The following RAB38 variants were observed in gnomAD, a reference collection of about 807,000 sequenced individuals.
The protein encoded by RAB38 is ras-related protein Rab-38.
Under a neutral mutation model 18.4 loss-of-function variants are expected in RAB38, and 15 were observed. That is an observed-to-expected ratio of 0.82 (90% CI 0.55 to 1.26). The LOEUF (loss-of-function observed/expected upper bound fraction) is 1.26, where lower values mean the gene tolerates loss of function less well. RAB38 is among the 50% of genes most tolerant of loss of function. RAB38 has a pLI of 0.00. For missense variants in RAB38, 294 were observed against 267.4 expected, an observed-to-expected ratio of 1.10 and a Z score of -0.69; for synonymous variants, 101 against 104.4, an observed-to-expected ratio of 0.97 and a Z score of 0.20.
chr11:87,881,007 T>A, the RAB38 span, among the ~76,000 whole-genome samples: 2 of 151,872 alleles, frequency 1.3e-5, no homozygotes, highest in African/African-American at 4.8e-5. Context: ...AGCAACAGGA[T>A]CTTGCTCTGT....
chr11:88,017,707 T>C, the RAB38 span, among the ~76,000 whole-genome samples: 4 of 145,882 alleles, frequency 2.7e-5, no homozygotes, highest in Non-Finnish European at 6.0e-5. Context: ...GTATTTTATA[T>C]ATATATATAA....
At chr11:87,871,681 G>T in the RAB38 span, among the ~76,000 whole-genome samples, 2 of 151,540 alleles carry the variant, frequency 1.3e-5, no homozygotes, top group East Asian at 3.9e-4. Flanking sequence ...CTCTCTCCTA[G>T]CTACTACATT....
the RAB38 span, among the ~76,000 whole-genome samples, chr11:87,906,946 CAT>C: frequency 2.0e-5 from 3 of 151,926 alleles, no homozygotes; most frequent in East Asian, 1.9e-4. Flanking sequence ...TGTTTATTGA[CAT>C]ATTATAATAA....
At chr11:87,885,993 A>AGC in the RAB38 span, among the ~76,000 whole-genome samples, 1 of 151,960 alleles carries the variant, frequency 6.6e-6, no homozygotes, top group Non-Finnish European at 1.5e-5. Context: ...CAGGGCTTGC[A>AGC]TGTCTGCTAG....
At chr11:88,027,611 C>T in the RAB38 span, among the ~76,000 whole-genome samples, 29 of 152,346 alleles carry the variant, frequency 1.9e-4, no homozygotes, top group African/African-American at 5.5e-4. Flanking sequence ...CATGGAGTCT[C>T]GCTGATTGCT....
the RAB38 span, among the ~76,000 whole-genome samples, chr11:88,005,144 A>G: frequency 5.9e-5 from 9 of 151,448 alleles, no homozygotes; most frequent in Non-Finnish European, 1.2e-4. Flanking sequence ...TAACACTTCT[A>G]TGGAAAATCA....
At chr11:87,921,228 A>G in the RAB38 span, among the ~76,000 whole-genome samples, 3 of 152,062 alleles carry the variant, frequency 2.0e-5, no homozygotes, top group African/African-American at 7.2e-5. Flanking sequence ...AGCAATCCAT[A>G]TTAAGTAGAA....
At chr11:88,039,424 C>T in the RAB38 span, among the ~76,000 whole-genome samples, 1 of 152,008 alleles carries the variant, frequency 6.6e-6, no homozygotes, top group Admixed American at 6.6e-5. Context: ...ATTTGCTTAA[C>T]AGGTTCCTTA....
chr11:87,940,118 GA>G, the RAB38 span, among the ~76,000 whole-genome samples: 396 of 119,074 alleles, frequency 3.3e-3, no homozygotes, highest in African/African-American at 0.012. Context: ...ATACTAATAA[GA>G]AAAAAATGTA....
At chr11:88,132,586 T>C (rs1034994295) in intron 2 of RAB38, among the ~76,000 whole-genome samples, 4 of 152,094 alleles carry the variant, frequency 2.6e-5, no homozygotes, top group African/African-American at 7.2e-5. Context: ...GCCTCACGAG[T>C]AGCTGGGATT....
the RAB38 span, among the ~76,000 whole-genome samples, chr11:87,812,640 A>T: frequency 6.6e-6 from 1 of 152,332 alleles, no homozygotes; most frequent in Admixed American, 6.5e-5. Context: ...ACTCTTAAGC[A>T]GATTTACTGG....
the RAB38 span, among the ~76,000 whole-genome samples, chr11:87,861,231 A>G: frequency 6.6e-6 from 1 of 151,934 alleles, no homozygotes; most frequent in Non-Finnish European, 1.5e-5. Context: ...CACAAACAAT[A>G]GCCAACACCA....
chr11:87,928,872 T>C, the RAB38 span, among the ~76,000 whole-genome samples: 2 of 152,114 alleles, frequency 1.3e-5, no homozygotes, highest in Admixed American at 1.3e-4. Context: ...CCCAACACTT[T>C]GGGAGGCCAA....
chr11:88,061,059 T>C, the RAB38 span, among the ~76,000 whole-genome samples: 2 of 152,244 alleles, frequency 1.3e-5, no homozygotes, highest in Non-Finnish European at 2.9e-5. Flanking sequence ...CCTTTGCTAA[T>C]CTGAACAACA....
the RAB38 span, among the ~76,000 whole-genome samples, chr11:88,067,722 A>G: frequency 6.6e-6 from 1 of 152,078 alleles, no homozygotes; most frequent in African/African-American, 2.4e-5. Flanking sequence ...ATGAGAACAC[A>G]TGGACACAGT....
At chr11:87,825,836 G>T in the RAB38 span, among the ~76,000 whole-genome samples, 1,608 of 152,084 alleles carry the variant, frequency 0.011, 19 homozygotes, top group Non-Finnish European at 0.019. Flanking sequence ...AGCAGTAATA[G>T]GGACATCATT....
At chr11:88,012,774 C>A in the RAB38 span, among the ~76,000 whole-genome samples, 1 of 152,154 alleles carries the variant, frequency 6.6e-6, no homozygotes, top group African/African-American at 2.4e-5. Context: ...TCCTGTCCTT[C>A]CTCAATGTCC....
chr11:87,975,434 A>T, the RAB38 span, among the ~76,000 whole-genome samples: 2 of 152,062 alleles, frequency 1.3e-5, no homozygotes, highest in South Asian at 4.1e-4. Context: ...ACTACGAGAA[A>T]TAAGGAAAAC....
chr11:87,856,505 C>T, the RAB38 span, among the ~76,000 whole-genome samples: 2 of 152,170 alleles, frequency 1.3e-5, no homozygotes, highest in Non-Finnish European at 2.9e-5. Flanking sequence ...CCCTACTTAT[C>T]TCAATACAAT....
Sources: allele counts gnomAD v4.1 joint callset (sites outside exome capture counted in the v4.1 genomes callset), GRCh38; gene constraint gnomAD v4.1.1; transcripts MANE v1.5; gene names NCBI Gene and HGNC (gene_info 2026-07-23, HGNC 2026-07-21).